The following PDGFRB variants were observed in gnomAD, a reference collection of about 807,000 sequenced individuals.
The protein encoded by PDGFRB is platelet-derived growth factor receptor beta.
A neutral mutation model predicts 120.2 loss-of-function variants in PDGFRB; 42 were observed. The ratio of observed to expected loss-of-function variants is 0.35; its 90% CI spans 0.27 to 0.45. PDGFRB has a LOEUF of 0.45. Among genes scored for constraint, PDGFRB ranks in the 20% least tolerant of loss-of-function variants. The pLI, the probability that PDGFRB is intolerant of heterozygous loss-of-function variation, is 1.00. For missense variants in PDGFRB, 1,149 were observed against 1,476.3 expected (o/e 0.78, Z 3.63); for synonymous variants, 586 against 606.8 (o/e 0.97, Z 0.50).
At chr5:150,118,671 C>G in intron 21 of PDGFRB, 76 bp downstream of exon 21, 1 of 902,544 alleles carries the variant, frequency 1.1e-6, no homozygotes, top group South Asian at 1.3e-5. Flanking sequence ...CAGCCCATCA[C>G]GCAGAGCCTT....
chr5:150,128,977 G>C (rs1181829082), intron 10 of PDGFRB, among the ~76,000 whole-genome samples: 2 of 152,284 alleles, frequency 1.3e-5, no homozygotes, highest in Middle Eastern at 3.4e-3. Flanking sequence ...ATAAGGACGG[G>C]CAGCTAGATA....
At chr5:150,130,773 G>C in intron 8 of PDGFRB, 111 bp from the exon 9 acceptor site, 1 of 861,632 alleles carries the variant, frequency 1.2e-6, no homozygotes. Flanking sequence ...GAGGGCTGTA[G>C]ACTGCAGGTG....
intron 20 of PDGFRB, 126 bp from the exon 21 acceptor site, chr5:150,118,978 G>A: frequency 1.6e-6 from 1 of 639,394 alleles, no homozygotes; most frequent in Non-Finnish European, 2.8e-6. Context: ...GAGGGAAGTG[G>A]TGGCTGGGTG....
At chr5:150,124,959 C>T (rs992954611) in intron 12 of PDGFRB, 128 bp from the exon 13 acceptor site, 2 of 583,148 alleles carry the variant, frequency 3.4e-6, no homozygotes, top group African/African-American at 3.9e-5. Context: ...GGGGAAAGAG[C>T]CACTCTCTTA....
chr5:150,132,367 A>G lies in PDGFRB; in HGVS notation c.1128-273T>C, dbSNP rs1383045541. ...TTCTCTCCCCTTCAGAAAGGTGGAC[A>G]CTGCTCCATCCTAACCTACCACAGT... On this transcript the variant is annotated intron_variant, in intron 7 of 22. Coordinates refer to ENST00000261799, the MANE Select transcript of PDGFRB (RefSeq NM_002609.4). This position sits in a 1 kb window ranked among gnomAD's most constrained non-coding sequence, Gnocchi z 5.0. 6.6e-6 allele frequency among the ~76,000 whole-genome samples: 1 copy of G among 152,200 alleles called. No individual in the cohort carries two copies. Among genetic ancestry groups the G allele is most frequent in the Admixed American group, 6.5e-5 (1 of 15,278 alleles).
At chr5:150,147,257 C>T (rs1760947873) in intron 1 of PDGFRB, among the ~76,000 whole-genome samples, 1 of 152,210 alleles carries the variant, frequency 6.6e-6, no homozygotes, top group Non-Finnish European at 1.5e-5. Flanking sequence ...GCTGCCCTCC[C>T]CATCCCCACC....
chr5:150,144,809 G>A (rs999009438), intron 1 of PDGFRB, among the ~76,000 whole-genome samples: 6 of 152,190 alleles, frequency 3.9e-5, no homozygotes, highest in African/African-American at 1.2e-4. Context: ...ACCGGCTGCA[G>A]AGCAAGCACT....
chr5:150,154,162 C>A (rs1218064498), intron 1 of PDGFRB, among the ~76,000 whole-genome samples: 1 of 152,034 alleles, frequency 6.6e-6, no homozygotes, highest in Non-Finnish European at 1.5e-5. Flanking sequence ...AGGAAGGCTG[C>A]CTGGAAGAGG....
chr5:150,152,265 T>G (rs1176270320), intron 1 of PDGFRB, among the ~76,000 whole-genome samples: 1 of 152,200 alleles, frequency 6.6e-6, no homozygotes, highest in Non-Finnish European at 1.5e-5. Context: ...GCCCAGCATG[T>G]TCCAAGTGCT....
chr5:150,151,329 T>C (rs1017418865), intron 1 of PDGFRB, among the ~76,000 whole-genome samples: 8 of 152,150 alleles, frequency 5.3e-5, no homozygotes, highest in Non-Finnish European at 1.0e-4. Flanking sequence ...GAACGATCTG[T>C]GCACAGTCCC....
chr5:150,139,944 C>T (rs1322115784), intron 1 of PDGFRB, among the ~76,000 whole-genome samples: 3 of 150,812 alleles, frequency 2.0e-5, no homozygotes, highest in Non-Finnish European at 4.4e-5. Flanking sequence ...CACGCCACTA[C>T]ACTCCAGCCT....
intron 1 of PDGFRB, among the ~76,000 whole-genome samples, chr5:150,143,055 G>A (rs1349661652): frequency 6.6e-6 from 1 of 152,128 alleles, no homozygotes; most frequent in Non-Finnish European, 1.5e-5. Context: ...GTTGATGGCT[G>A]GATGTCAGTA....
At chr5:150,119,942 C>G (rs1329378345) in intron 19 of PDGFRB, 70 bp downstream of exon 19, 118 of 836,352 alleles carry the variant, frequency 1.4e-4, no homozygotes, top group Non-Finnish European at 1.7e-4. Context: ...CCCCACCAGG[C>G]CAGAGGCATG....
intron 1 of PDGFRB, among the ~76,000 whole-genome samples, chr5:150,140,294 T>A (rs1448746666): frequency 6.6e-6 from 1 of 152,128 alleles, no homozygotes; most frequent in Non-Finnish European, 1.5e-5. Flanking sequence ...TGTGACAACT[T>A]CCCCTCTTTA....
In PDGFRB at chr5:150,135,871, C is replaced by T; in HGVS notation, c.48G>A (p.Leu16=). ...GAAGTAACAGGAGAGACAGCAACAG[C>T]AGCTCGCCTTTGGGAGAGGAGGTAT... is the stretch of plus-strand genomic sequence containing the variant. ...AMPALALKGE[L]LLLSLLLLLE... The change falls in exon 3 of 23, where the codon CTG becomes CTA. Residue 16 remains leucine (L), a synonymous_variant. Coordinates refer to ENST00000261799, the MANE Select transcript of PDGFRB (RefSeq NM_002609.4). The T allele has an allele frequency of 5.2e-6, 8 of 1,523,988 alleles. No homozygotes were observed. The highest frequency in any genetic ancestry group is 6.2e-6 in the Non-Finnish European group (7 of 1,137,026). The allele number at this position is 1,523,988 out of a possible 1,614,324, so 94.4% of individuals were successfully genotyped here. A position where few individuals can be genotyped will look rare whatever the true frequency, so the allele number is the denominator to read the frequency against.
At chr5:150,119,609 G>GA in intron 19 of PDGFRB, 43 bp from the exon 20 acceptor site, 1 of 1,222,402 alleles carries the variant, frequency 8.2e-7, no homozygotes. Context: ...CTCAGGGGTG[G>GA]AAAAGTGGCA....
chr5:150,136,204 G>C (rs904513499), intron 2 of PDGFRB, among the ~76,000 whole-genome samples: 3 of 152,230 alleles, frequency 2.0e-5, no homozygotes, highest in African/African-American at 7.2e-5. Flanking sequence ...TTCCTGCATT[G>C]CTTCCCAGGT....
At chr5:150,124,128 G>A (rs141859535) in intron 14 of PDGFRB, 122 bp downstream of exon 14, 53 of 581,772 alleles carry the variant, frequency 9.1e-5, no homozygotes, top group African/African-American at 5.8e-4. Flanking sequence ...GCGCTGGAGC[G>A]GGTGGGCACG....
Position 150,155,812 on chromosome 5 carries a change from T to A in PDGFRB, c.-422A>T, listed in dbSNP as rs1580828760. ...AAGTTGCTCACAGAGCGATCCTGGG[T>A]CCCAGATAGGGCGGGCAGTCACTGC... is the stretch of plus-strand genomic sequence containing the variant. On this transcript the variant is annotated 5_prime_UTR_variant, in exon 1 of 23. Transcript: ENST00000261799. The A allele has an allele frequency of 2.5e-6, 1 of 397,398 alleles. No homozygotes were observed. The highest frequency in any genetic ancestry group is 3.6e-5 in the East Asian group (1 of 28,032). The allele number at this position is 397,398 out of a possible 1,614,324, so 24.6% of individuals were successfully genotyped here.
Sources: gnomAD v4.1 joint callset for allele counts (sites outside exome capture counted in the v4.1 genomes callset) on GRCh38, gnomAD v4.1.1 for gene constraint, Gnocchi (gnomAD v3.1) non-coding constraint, MANE v1.5 for transcripts, NCBI Gene and HGNC (gene_info 2026-07-23, HGNC 2026-07-21) for gene names.